The following DLG2 variants were observed in gnomAD, a reference collection of about 807,000 sequenced individuals.
The protein encoded by DLG2 is disks large homolog 2.
In DLG2, 45 loss-of-function variants were observed where a neutral mutation model predicts 132.5. That is an observed-to-expected ratio of 0.34 (90% CI 0.27 to 0.44). The LOEUF (loss-of-function observed/expected upper bound fraction) is 0.44. Ranked by LOEUF, DLG2 falls within the 20% of genes least tolerant of loss-of-function variation. DLG2 has a pLI of 1.00. For missense variants in DLG2, 1,045 were observed against 1,196.9 expected (o/e 0.87, Z 1.87); for synonymous variants, 424 against 419.6 (o/e 1.01, Z -0.13).
chr11:84,817,057 A>T (rs191018300), intron 6 of DLG2, among the ~76,000 whole-genome samples: 69 of 152,134 alleles, frequency 4.5e-4, no homozygotes, highest in African/African-American at 1.6e-3. Flanking sequence ...TGGATGTGAA[A>T]GTAATTTGTA....
chr11:84,612,246 G>A (rs534625313), intron 6 of DLG2, among the ~76,000 whole-genome samples: 1 of 152,084 alleles, frequency 6.6e-6, no homozygotes, highest in African/African-American at 2.4e-5. Flanking sequence ...TATGTTGCAT[G>A]TGTCAATAGT....
At chr11:84,570,146 C>A (rs957308324) in intron 6 of DLG2, among the ~76,000 whole-genome samples, 1 of 152,152 alleles carries the variant, frequency 6.6e-6, no homozygotes, top group African/African-American at 2.4e-5. Flanking sequence ...TATAGGCCTT[C>A]CAGAACTAGT....
At chr11:84,181,688 TATATC>T in intron 8 of DLG2, among the ~76,000 whole-genome samples, 1 of 152,042 alleles carries the variant, frequency 6.6e-6, no homozygotes, top group Non-Finnish European at 1.5e-5. Context: ...TGGAGAAAAA[TATATC>T]ATAATAACAC....
intron 3 of DLG2, among the ~76,000 whole-genome samples, chr11:85,520,515 C>CCACACACA (rs3068471): frequency 0.022 from 3,251 of 148,072 alleles, 51 homozygotes; most frequent in South Asian, 0.038. Context: ...GTATATGGAA[C>CCACACACA]CACACACACA....
At position 85,386,876 on chromosome 11, in the gene DLG2, T is replaced by C. The variant is rs531619347; in HGVS notation, c.41-101511A>G. ...AAGGCAACCAAAAAAAAAAAAAAGT[T>C]AAAGAATATCCTTTCTTTTTTTTTT... On this transcript the variant is annotated intron_variant, in intron 3 of 27. Transcript: ENST00000376104. 1.3e-4 allele frequency among the ~76,000 whole-genome samples: 20 copies of C among 150,650 alleles called. 1 individual carries two copies. The highest frequency in any genetic ancestry group is 3.9e-4 in the African/African-American group (16 of 41,190).
intron 6 of DLG2, among the ~76,000 whole-genome samples, chr11:84,785,206 T>C (rs942809373): frequency 5.9e-5 from 9 of 152,198 alleles, no homozygotes; most frequent in African/African-American, 1.4e-4. Context: ...CCTCATTCTA[T>C]CACTCTCCTC....
intron 4 of DLG2, among the ~76,000 whole-genome samples, chr11:85,232,462 T>G (rs2075353276): frequency 6.6e-6 from 1 of 151,906 alleles, no homozygotes; most frequent in African/African-American, 2.4e-5. Flanking sequence ...AAAGTCTAAT[T>G]TAATTTTTAA....
At chr11:84,302,264 T>C (rs888888940) in intron 7 of DLG2, among the ~76,000 whole-genome samples, 1 of 152,064 alleles carries the variant, frequency 6.6e-6, no homozygotes, top group Admixed American at 6.5e-5. Flanking sequence ...GGTTGATGGG[T>C]GCAGCAAACC....
intron 7 of DLG2, among the ~76,000 whole-genome samples, chr11:84,272,635 G>A (rs917125184): frequency 4.6e-5 from 7 of 152,120 alleles, no homozygotes; most frequent in Non-Finnish European, 1.0e-4. Context: ...ACTTCTGTCA[G>A]AAATTTTTAC....
chr11:85,599,463 C>G (rs991333692), intron 2 of DLG2, among the ~76,000 whole-genome samples: 11 of 152,048 alleles, frequency 7.2e-5, no homozygotes, highest in African/African-American at 2.7e-4. Context: ...CTAGAATCAG[C>G]GTGCTATCTT....
At chr11:85,477,950 A>C (rs2093190781) in intron 3 of DLG2, among the ~76,000 whole-genome samples, 1 of 152,116 alleles carries the variant, frequency 6.6e-6, no homozygotes, top group African/African-American at 2.4e-5. Context: ...GAAATATTTA[A>C]ACTAACAGTT....
chr11:85,442,222 T>C (rs2091816918), intron 3 of DLG2, among the ~76,000 whole-genome samples: 1 of 152,162 alleles, frequency 6.6e-6, no homozygotes, highest in African/African-American at 2.4e-5. Context: ...TGATCAAACT[T>C]ACATTTTTAA....
intron 3 of DLG2, among the ~76,000 whole-genome samples, chr11:85,434,826 C>T (rs545390865): frequency 9.9e-5 from 15 of 152,272 alleles, no homozygotes; most frequent in Admixed American, 3.3e-4. Context: ...TTTTATGAGG[C>T]CAGCATCATC....
intron 6 of DLG2, among the ~76,000 whole-genome samples, chr11:84,960,815 T>C (rs956599655): frequency 2.0e-5 from 3 of 152,104 alleles, no homozygotes. Context: ...ATGATGATGG[T>C]GATGATGACA....
chr11:85,542,373 G>A (rs748058145), intron 3 of DLG2, among the ~76,000 whole-genome samples: 1 of 152,120 alleles, frequency 6.6e-6, no homozygotes, highest in Non-Finnish European at 1.5e-5. Context: ...GCAAACAAAT[G>A]ATATTATACC....
chr11:84,723,090 G>A (rs1212960898), intron 6 of DLG2, among the ~76,000 whole-genome samples: 1 of 152,066 alleles, frequency 6.6e-6, no homozygotes, highest in African/African-American at 2.4e-5. Flanking sequence ...CTATAATTAC[G>A]GCTGGTTTTT....
At chr11:84,562,430 C>A (rs2099430374) in intron 6 of DLG2, among the ~76,000 whole-genome samples, 1 of 152,136 alleles carries the variant, frequency 6.6e-6, no homozygotes, top group South Asian at 2.1e-4. Flanking sequence ...TACATGAAGG[C>A]TTCTGGGTTT....
At chr11:85,548,857 C>T (rs957058167) in intron 3 of DLG2, among the ~76,000 whole-genome samples, 2 of 152,150 alleles carry the variant, frequency 1.3e-5, no homozygotes, top group Admixed American at 6.5e-5. Context: ...GCTCGAGCAT[C>T]GCGGGTCAAG....
At chr11:84,909,470 TG>T (rs1318761433) in intron 6 of DLG2, among the ~76,000 whole-genome samples, 1 of 152,154 alleles carries the variant, frequency 6.6e-6, no homozygotes. Context: ...GTCTGTTTAG[TG>T]GGGGCAGTAA....
Sources: gnomAD v4.1 joint callset for allele counts (sites outside exome capture counted in the v4.1 genomes callset) on GRCh38, gnomAD v4.1.1 for gene constraint, MANE v1.5 for transcripts, NCBI Gene and HGNC (gene_info 2026-07-23, HGNC 2026-07-21) for gene names.